Variants in FAM3B observed in about 807,000 individuals in gnomAD.
The protein encoded by FAM3B is protein FAM3B.
A neutral mutation model predicts 28.4 loss-of-function variants in FAM3B; 29 were observed. The ratio of observed to expected loss-of-function variants is 1.02; its 90% CI spans 0.76 to 1.39. FAM3B has a LOEUF of 1.39. Among genes scored for constraint, FAM3B ranks in the 40% most tolerant of loss-of-function variants. The pLI is 0.00. For synonymous variants in FAM3B, 91 were observed against 103.0 expected, an observed-to-expected ratio of 0.88 and a Z score of 0.71; for missense variants, 266 against 293.9, an observed-to-expected ratio of 0.91 and a Z score of 0.69.
rs1459759151 is a variant in FAM3B at position 41,342,132 on chromosome 21, G to A, written c.288-2344G>A. Among the ~76,000 whole-genome samples the A allele has an allele frequency of 7.2e-5, 11 of 152,114 alleles. No homozygotes were observed. In the East Asian group the frequency reaches 2.1e-3, roughly 29 times the overall value. The stretch of plus-strand genomic sequence containing the variant: ...AAAAATACTTTTGTAGGCTGTGTTA[G>A]CCATTACTTTCTTTCAGCACATTCA... On this transcript the variant is annotated intron_variant, in intron 3 of 7. Coordinates refer to ENST00000357985, the MANE Select transcript of FAM3B (RefSeq NM_058186.4).
intron 1 of FAM3B, among the ~76,000 whole-genome samples, chr21:41,311,142 C>A (rs2088707424): frequency 6.7e-6 from 1 of 148,758 alleles, no homozygotes; most frequent in Non-Finnish European, 1.5e-5. Flanking sequence ...GACGGAGGAG[C>A]CCCAGGAGCT....
At chr21:41,318,493 G>GTGGCCCTTCC (rs1341578217) in intron 1 of FAM3B, among the ~76,000 whole-genome samples, 1 of 152,198 alleles carries the variant, frequency 6.6e-6, no homozygotes, top group Non-Finnish European at 1.5e-5. Flanking sequence ...GTGTTTCAGA[G>GTGGCCCTTCC]TGGCCCTTCC....
chr21:41,332,787 A>G (rs1353410447), intron 2 of FAM3B, among the ~76,000 whole-genome samples: 1 of 152,064 alleles, frequency 6.6e-6, no homozygotes, highest in East Asian at 1.9e-4. Flanking sequence ...CAGCGGTGAT[A>G]TCTGCTCTTT....
At chr21:41,338,321 T>C in intron 2 of FAM3B, 57 bp from the exon 3 acceptor site, 1 of 1,598,142 alleles carries the variant, frequency 6.3e-7, no homozygotes. Context: ...AAGCAGCAGG[T>C]GCATCTGTAA....
intron 1 of FAM3B, chr21:41,319,497 C>G (rs1218440263): frequency 1.3e-5 from 2 of 152,366 alleles, no homozygotes; most frequent in Admixed American, 1.3e-4. Flanking sequence ...CAGAAGTGTT[C>G]CTGGACTCTG....
chr21:41,345,655 T>A, intron 4 of FAM3B, 31 bp from the exon 5 acceptor site: 2 of 1,464,758 alleles, frequency 1.4e-6, no homozygotes, highest in Non-Finnish European at 1.8e-6. Context: ...CTGTGAACTT[T>A]CTTTTAAAAT....
chr21:41,311,247 AAAAAATATATATATATATATATAT>A (rs1203872537), intron 1 of FAM3B, among the ~76,000 whole-genome samples: 3 of 63,458 alleles, frequency 4.7e-5, no homozygotes, highest in Admixed American at 2.2e-4. Context: ...AAAAAAAAAA[AAAAAATATATATATATATATATAT>A]ATATATATAT....
chr21:41,324,534 C>T (rs1038899444), intron 2 of FAM3B, among the ~76,000 whole-genome samples: 1 of 152,230 alleles, frequency 6.6e-6, no homozygotes, highest in East Asian at 1.9e-4. Context: ...TTCTTTACTT[C>T]CTGGTTTCAA....
chr21:41,324,960 G>C (rs142923851), intron 2 of FAM3B, among the ~76,000 whole-genome samples: 3,470 of 152,188 alleles, frequency 0.023, 113 homozygotes, highest in African/African-American at 0.074. Context: ...AAATTAGCTG[G>C]ACATGGTTGC....
intron 4 of FAM3B, among the ~76,000 whole-genome samples, chr21:41,345,035 A>G (rs191597701): frequency 1.3e-5 from 2 of 152,258 alleles, no homozygotes; most frequent in African/African-American, 4.8e-5. Context: ...AGGGTTTCCC[A>G]CAACGTCCCT....
In FAM3B at chr21:41,323,050, G is replaced by A. The variant is rs777458036; in HGVS notation, c.147G>A (p.Glu49=). The part of the protein sequence containing the change: ...SAAYSIRSIG[E]RPVLKAPVPK... ...CCTATAGCATCCGCAGCATCGGGGA[G>A]AGGCCTGTCCTCAAAGGTGAGTGCC... Residue 49 remains glutamate (E), a synonymous_variant, in exon 2 of 8, where the codon GAG becomes GAA. Coordinates refer to ENST00000357985, the MANE Select transcript of FAM3B (RefSeq NM_058186.4). The A allele has an allele frequency of 2.5e-6, 4 of 1,605,544 alleles. No individual in the cohort carries two copies. The African/African-American group carries it at 4.0e-5, about 16-fold the overall frequency.
At chr21:41,348,491 A>G in intron 6 of FAM3B, 101 bp from the exon 7 acceptor site, 2 of 1,377,870 alleles carry the variant, frequency 1.5e-6, no homozygotes, top group Non-Finnish European at 2.0e-6. Flanking sequence ...GTGTTTAGAA[A>G]CCTCCATCCA....
At chr21:41,333,249 T>C (rs2088923422) in intron 2 of FAM3B, among the ~76,000 whole-genome samples, 1 of 152,198 alleles carries the variant, frequency 6.6e-6, no homozygotes, top group Admixed American at 6.5e-5. Flanking sequence ...TTTTCTGAAA[T>C]TACTTTTTGA....
intron 2 of FAM3B, among the ~76,000 whole-genome samples, chr21:41,324,780 A>G (rs887195230): frequency 6.6e-6 from 1 of 152,198 alleles, no homozygotes; most frequent in African/African-American, 2.4e-5. Flanking sequence ...AACAAAGAAA[A>G]TTAATGTGCA....
rs181840483 is a variant in FAM3B, at chr21:41,322,660, T to C, written c.20-263T>C. 24 of 718,818 alleles carry C rather than the reference T, an allele frequency of 3.3e-5. No homozygotes were observed. In the African/African-American group the frequency reaches 3.5e-4, roughly 10 times the overall value. The allele number at this position is 718,818 out of a possible 1,614,324, so 44.5% of individuals were successfully genotyped here. On this transcript the variant is annotated intron_variant, in intron 1 of 7. Coordinates refer to ENST00000357985, the MANE Select transcript of FAM3B (RefSeq NM_058186.4). Reference sequence around the variant, plus strand: ...GACATAAACGTTCAAGGACGTTTGTTGGTTAAGTTAAGACCTAAACCAACA... The same window carrying C: ...GACATAAACGTTCAAGGACGTTTGTCGGTTAAGTTAAGACCTAAACCAACA...
At chr21:41,317,026 C>A (rs1185278153) in intron 1 of FAM3B, 128 bp downstream of exon 1, 1 of 841,972 alleles carries the variant, frequency 1.2e-6, no homozygotes, top group Non-Finnish European at 1.6e-6. Context: ...TTCTTGGCGC[C>A]GAGGCTGGTC....
rs188677820 is a variant in FAM3B, at chr21:41,310,913, C to T, written n.99+6603C>T. ...CTAAAAGGATATTTTTTCCCCATTT[C>T]ACGTATTTTTTTAAAAATCTGAGTT... On this transcript the variant is annotated intron_variant and non_coding_transcript_variant, in intron 1 of 9. Transcript: ENST00000479810. Among the ~76,000 whole-genome samples the T allele has an allele frequency of 6.1e-3, 934 of 152,184 alleles. 6 individuals are homozygous for T. Among genetic ancestry groups the T allele is most frequent in the African/African-American group, 0.022 (913 of 41,534 alleles).
At chr21:41,342,213 A>G (rs183102721) in intron 3 of FAM3B, among the ~76,000 whole-genome samples, 2 of 152,318 alleles carry the variant, frequency 1.3e-5, no homozygotes, top group East Asian at 3.9e-4. Flanking sequence ...AAGTCAGCTG[A>G]CAGTCTTATT....
chr21:41,342,507 A>AT (rs2089016499), intron 3 of FAM3B, among the ~76,000 whole-genome samples: 1 of 152,050 alleles, frequency 6.6e-6, no homozygotes, highest in Non-Finnish European at 1.5e-5. Context: ...CCTATAGTCT[A>AT]TTTTGTATTT....
Sources: gnomAD v4.1 joint callset for allele counts (sites outside exome capture counted in the v4.1 genomes callset) on GRCh38, gnomAD v4.1.1 for gene constraint, MANE v1.5 for transcripts, NCBI Gene and HGNC (gene_info 2026-07-23, HGNC 2026-07-21) for gene names.